NACC2: variants seen among roughly 807,000 people sequenced by gnomAD.
NACC2 encodes NACC family member 2.
A neutral mutation model predicts 25.1 loss-of-function variants in NACC2; 8 were observed. That is an observed-to-expected ratio of 0.32 (90% confidence interval 0.19 to 0.57). The LOEUF is 0.57. Among genes scored for constraint, NACC2 ranks in the 20% least tolerant of loss-of-function variants. The pLI, the probability that NACC2 is intolerant of heterozygous loss-of-function variation, is 0.89. For missense variants in NACC2, 644 were observed against 650.2 expected, an observed-to-expected ratio of 0.99 and a Z score of 0.10; for synonymous variants, 435 against 294.7, an observed-to-expected ratio of 1.48 and a Z score of -4.88.
At chr9:136,071,524 T>C (rs7028545) in intron 1 of NACC2, among the ~76,000 whole-genome samples, 62,316 of 130,286 alleles carry the variant, frequency 0.48, 14,781 homozygotes, top group Middle Eastern at 0.68. Flanking sequence ...GCCTGGATGA[T>C]AGAGTGAGAC....
chr9:136,057,604 A>G (rs1840943865), intron 1 of NACC2, among the ~76,000 whole-genome samples: 1 of 152,262 alleles, frequency 6.6e-6, no homozygotes, highest in Non-Finnish European at 1.5e-5. Flanking sequence ...TCCCTCGGGC[A>G]TAGTTTAATA....
chr9:136,039,685 C>T (rs1031232707), intron 2 of NACC2, among the ~76,000 whole-genome samples: 7 of 152,070 alleles, frequency 4.6e-5, no homozygotes, highest in African/African-American at 1.4e-4. Context: ...GGAACACTAA[C>T]TGATGCAATA....
At chr9:136,078,666 C>T (rs72773713) in intron 1 of NACC2, among the ~76,000 whole-genome samples, 4,732 of 152,280 alleles carry the variant, frequency 0.031, 118 homozygotes, top group Admixed American at 0.053. Context: ...CAGAAAGGGG[C>T]GTGGGAATGG....
chr9:136,009,718 C>G lies in NACC2; in HGVS notation c.*1798G>C, dbSNP rs954497816. The G allele has an allele frequency of 2.0e-5, 3 of 152,288 alleles. No individual in the cohort carries two copies. The highest frequency in any genetic ancestry group is 7.2e-5 in the African/African-American group (3 of 41,452). 9.4% of individuals were successfully genotyped at this position (152,288 alleles called of 1,614,324 possible). A position where few individuals can be genotyped will look rare whatever the true frequency, so the allele number is the denominator to read the frequency against. On this transcript the variant is annotated 3_prime_UTR_variant, in exon 6 of 6. Transcript: ENST00000277554. ...TGCGTCTAACCCACACCCTGTAGGT[C>G]CCCAGGCCAGGGTGCAGCACATGGT...
intron 2 of NACC2, among the ~76,000 whole-genome samples, chr9:136,049,152 C>T (rs1416835285): frequency 6.6e-6 from 1 of 152,248 alleles, no homozygotes; most frequent in African/African-American, 2.4e-5. Flanking sequence ...GGGGGAGCGA[C>T]TGCTCACTCG....
intron 1 of NACC2, among the ~76,000 whole-genome samples, chr9:136,092,000 G>A (rs2131194113): frequency 6.6e-6 from 1 of 152,324 alleles, no homozygotes; most frequent in East Asian, 1.9e-4. Flanking sequence ...CATCTCCTCT[G>A]TGACTCTGGA....
chr9:136,067,471 TAGGTGATTTTGTTGTTCTCTGAACACCGC>T (rs1436284451), intron 1 of NACC2, among the ~76,000 whole-genome samples: 1 of 152,144 alleles, frequency 6.6e-6, no homozygotes, highest in Non-Finnish European at 1.5e-5. Flanking sequence ...AATGCATCAT[TAGGTGATTTTGTTGTTCTCTGAACACCGC>T]AGGTGATTTT....
chr9:136,026,683 A>G (rs1051447889), intron 2 of NACC2, among the ~76,000 whole-genome samples: 1 of 152,262 alleles, frequency 6.6e-6, no homozygotes, highest in African/African-American at 2.4e-5. Flanking sequence ...TACAACATAC[A>G]CAGAATTAAC....
At chr9:136,059,501 G>A (rs1218973565) in intron 1 of NACC2, among the ~76,000 whole-genome samples, 1 of 152,234 alleles carries the variant, frequency 6.6e-6, no homozygotes, top group Non-Finnish European at 1.5e-5. Context: ...ACCCCACCCG[G>A]GCCGCCTCCT....
chr9:136,072,917 G>GA (rs893515424), intron 1 of NACC2, among the ~76,000 whole-genome samples: 3 of 151,856 alleles, frequency 2.0e-5, no homozygotes, highest in Non-Finnish European at 2.9e-5. Flanking sequence ...AGAGGGGAAA[G>GA]AAAAAAACAC....
chr9:136,094,741 G>A (rs1316801202), intron 1 of NACC2, among the ~76,000 whole-genome samples: 2 of 151,328 alleles, frequency 1.3e-5, no homozygotes, highest in African/African-American at 4.8e-5. Context: ...GGAGGGGTGG[G>A]TACCTCCGCC....
At chr9:136,085,167 G>GTTTTTTTC (rs1830366133) in intron 1 of NACC2, among the ~76,000 whole-genome samples, 1 of 26,360 alleles carries the variant, frequency 3.8e-5, no homozygotes, top group Non-Finnish European at 1.2e-4. Flanking sequence ...TTTTTTTGGC[G>GTTTTTTTC]AGACTGAGTT....
intron 1 of NACC2, among the ~76,000 whole-genome samples, chr9:136,087,117 C>T (rs1830387283): frequency 1.3e-5 from 2 of 152,344 alleles, no homozygotes; most frequent in Admixed American, 1.3e-4. Context: ...AGACTGGGCC[C>T]ATGATCCCAC....
At chr9:136,044,688 T>G (rs1840693529) in intron 2 of NACC2, among the ~76,000 whole-genome samples, 1 of 152,212 alleles carries the variant, frequency 6.6e-6, no homozygotes, top group Non-Finnish European at 1.5e-5. Context: ...GCCCCTCTTC[T>G]TGCTTCTCTC....
At chr9:136,026,669 T>G (rs1456116488) in intron 2 of NACC2, among the ~76,000 whole-genome samples, 1 of 152,216 alleles carries the variant, frequency 6.6e-6, no homozygotes, top group Admixed American at 6.5e-5. Context: ...CGTCTAGTGG[T>G]GCTTACAACA....
intron 1 of NACC2, among the ~76,000 whole-genome samples, chr9:136,090,121 T>A (rs980751576): frequency 6.6e-6 from 1 of 152,166 alleles, no homozygotes; most frequent in Non-Finnish European, 1.5e-5. Context: ...AGCACAAAAG[T>A]CAAGAATTCA....
At chr9:136,089,284 G>A (rs920105516) in intron 1 of NACC2, among the ~76,000 whole-genome samples, 2 of 152,114 alleles carry the variant, frequency 1.3e-5, no homozygotes, top group African/African-American at 4.8e-5. Context: ...CCTCAAAGGA[G>A]GACCCACGGG....
chr9:136,055,112 A>AGGCCT lies in NACC2; in HGVS notation c.-59-4537_-59-4533dup, dbSNP rs559062999. On this transcript the variant is annotated intron_variant, in intron 1 of 5. Transcript: ENST00000277554. The surrounding 1 kb of genome is among the most constrained non-coding windows in gnomAD (Gnocchi z 4.9). ...CCTCACTTGAGGAAGGCTGAGATCCAGGCCTGCCCTGCCCTGGGGTTAGGG... is the reference window on the plus strand; with the variant it reads ...CCTCACTTGAGGAAGGCTGAGATCCAGGCCTGGCCTGCCCTGCCCTGGGGTTAGGG... Among the ~76,000 whole-genome samples, 1,169 of 152,224 alleles carry AGGCCT rather than the reference A, an allele frequency of 7.7e-3. 6 individuals carry two copies. The highest frequency in any genetic ancestry group is 0.013 in the Non-Finnish European group (898 of 68,002).
In NACC2 at chr9:136,006,585, C is replaced by T. The variant is rs924695624; in HGVS notation, c.*4931G>A. 1.1e-4 allele frequency: 17 copies of T among 152,216 alleles called. No individual in the cohort carries two copies. The South Asian group carries it at 2.1e-3, about 19-fold the overall frequency. 9.4% of individuals were successfully genotyped at this position (152,216 alleles called of 1,614,324 possible). On this transcript the variant is annotated 3_prime_UTR_variant, in exon 6 of 6. Transcript: ENST00000277554. ...TTTTGTAAATGTGAATTTTACAAAG[C>T]GCTTTACAATTAATGATCACATCCT...
Sources: gnomAD v4.1 joint callset for allele counts (sites outside exome capture counted in the v4.1 genomes callset) on GRCh38, gnomAD v4.1.1 for gene constraint, Gnocchi (gnomAD v3.1) non-coding constraint, MANE v1.5 for transcripts, NCBI Gene and HGNC (gene_info 2026-07-23, HGNC 2026-07-21) for gene names.